Variants in TLE4 observed in about 807,000 individuals in gnomAD.
The protein encoded by TLE4 is transducin-like enhancer protein 4.
A neutral mutation model predicts 92.8 loss-of-function variants in TLE4; 8 were observed. That is an observed-to-expected ratio of 0.09 (90% confidence interval 0.05 to 0.16). The LOEUF is 0.16. Among genes scored for constraint, TLE4 ranks in the 10% least tolerant of loss-of-function variants. The pLI is 1.00. For missense variants in TLE4, 675 were observed against 997.6 expected (o/e 0.68, Z 4.36); for synonymous variants, 371 against 374.1 (o/e 0.99, Z 0.10).
intron 8 of TLE4, among the ~76,000 whole-genome samples, chr9:79,691,447 C>T (rs564444075): frequency 4.6e-4 from 70 of 152,174 alleles, no homozygotes; most frequent in African/African-American, 1.6e-3. Flanking sequence ...TACTGTGATT[C>T]GAGCCTCCTC....
At chr9:79,606,225 T>A (rs1226279443) in intron 4 of TLE4, among the ~76,000 whole-genome samples, 11 of 127,718 alleles carry the variant, frequency 8.6e-5, no homozygotes, top group South Asian at 2.5e-4. Flanking sequence ...TTTTTTTTTT[T>A]AACAAGCACT....
At chr9:79,650,275 G>T (rs1362381443) in intron 6 of TLE4, among the ~76,000 whole-genome samples, 1 of 152,066 alleles carries the variant, frequency 6.6e-6, no homozygotes, top group Non-Finnish European at 1.5e-5. Context: ...GATAATGTGT[G>T]AATATTTCAG....
chr9:79,666,883 C>T (rs2061487552), intron 8 of TLE4, among the ~76,000 whole-genome samples: 1 of 152,180 alleles, frequency 6.6e-6, no homozygotes, highest in African/African-American at 2.4e-5. Context: ...TGAAAGAGTC[C>T]AAATGGAGGC....
At chr9:79,695,716 C>A (rs2068086726) in intron 8 of TLE4, among the ~76,000 whole-genome samples, 1 of 152,292 alleles carries the variant, frequency 6.6e-6, no homozygotes, top group Admixed American at 6.5e-5. Context: ...TGTTAGAGAT[C>A]GGCTGGAGGG....
chr9:79,625,142 C>T (rs1450851661), intron 5 of TLE4, among the ~76,000 whole-genome samples: 1 of 147,256 alleles, frequency 6.8e-6, no homozygotes, highest in Non-Finnish European at 1.5e-5. Flanking sequence ...GCCTCAGCCT[C>T]CCAAGTAGCT....
At chr9:79,620,402 A>C (rs1210064050) in intron 5 of TLE4, among the ~76,000 whole-genome samples, 1 of 152,240 alleles carries the variant, frequency 6.6e-6, no homozygotes, top group Non-Finnish European at 1.5e-5. Flanking sequence ...TCTGTTGGAC[A>C]GCAGTGAATT....
chr9:79,721,489 A>G (rs769085292), intron 16 of TLE4, among the ~76,000 whole-genome samples: 22 of 152,172 alleles, frequency 1.4e-4, no homozygotes, highest in Non-Finnish European at 5.9e-5. Context: ...CCCATTAGTA[A>G]TATCAGTCAT....
At chr9:79,673,449 C>G (rs2062745200) in intron 8 of TLE4, among the ~76,000 whole-genome samples, 1 of 152,106 alleles carries the variant, frequency 6.6e-6, no homozygotes, top group South Asian at 2.1e-4. Flanking sequence ...TTCATGAGTT[C>G]CTTACCTTTT....
intron 4 of TLE4, among the ~76,000 whole-genome samples, chr9:79,581,404 G>A (rs1183348232): frequency 2.0e-5 from 3 of 152,108 alleles, no homozygotes; most frequent in African/African-American, 4.8e-5. Flanking sequence ...AATACTGTGG[G>A]GAGTTCCCTT....
chr9:79,709,934 A>T lies in TLE4; in HGVS notation c.1340+235A>T, dbSNP rs2072802965. 2.0e-5 allele frequency among the ~76,000 whole-genome samples: 3 copies of T among 152,254 alleles called. No individual in the cohort carries two copies. In the South Asian group the frequency reaches 6.2e-4, roughly 32 times the overall value. On this transcript the variant is annotated intron_variant, in intron 14 of 19. Transcript: ENST00000376552. ...AAATGCAAATTGCAGAGGCATCTCC[A>T]GTAGTCAGGTCTTCTCTACATCTGT...
At chr9:79,695,818 C>T (rs1051381403) in intron 8 of TLE4, among the ~76,000 whole-genome samples, 8 of 152,170 alleles carry the variant, frequency 5.3e-5, no homozygotes, top group African/African-American at 1.9e-4. Context: ...GCCACTCAGG[C>T]TGGGAAAGAG....
chr9:79,658,112 A>G (rs1163410220), intron 8 of TLE4, among the ~76,000 whole-genome samples: 1 of 152,210 alleles, frequency 6.6e-6, no homozygotes, highest in South Asian at 2.1e-4. Flanking sequence ...CTTCAAGCCC[A>G]GAGTGCTGGA....
At chr9:79,590,005 G>A (rs1169145391) in intron 4 of TLE4, among the ~76,000 whole-genome samples, 1 of 152,142 alleles carries the variant, frequency 6.6e-6, no homozygotes, top group Non-Finnish European at 1.5e-5. Context: ...GAATGTGTGG[G>A]CGCTGATCAG....
intron 8 of TLE4, among the ~76,000 whole-genome samples, chr9:79,673,902 A>G (rs534389548): frequency 5.9e-5 from 9 of 152,110 alleles, no homozygotes; most frequent in African/African-American, 4.8e-5. Context: ...ACGCCTCTCC[A>G]TGCCTTCCTG....
chr9:79,617,797 C>A (rs1355573448), intron 5 of TLE4, among the ~76,000 whole-genome samples: 1 of 148,906 alleles, frequency 6.7e-6, no homozygotes, highest in Non-Finnish European at 1.5e-5. Flanking sequence ...TGTTTGGCTG[C>A]TTTAACAGAG....
At chr9:79,607,804 T>C (rs1053580293) in intron 4 of TLE4, among the ~76,000 whole-genome samples, 3 of 152,062 alleles carry the variant, frequency 2.0e-5, no homozygotes, top group Non-Finnish European at 2.9e-5. Flanking sequence ...TACTGTAGCC[T>C]TGTAGTATAG....
intron 8 of TLE4, among the ~76,000 whole-genome samples, chr9:79,679,930 T>C (rs1385687526): frequency 6.6e-6 from 1 of 152,142 alleles, no homozygotes; most frequent in Non-Finnish European, 1.5e-5. Flanking sequence ...TAGATGTAGA[T>C]ATGCGGCATT....
At chr9:79,719,490 A>G (rs188290359) in intron 15 of TLE4, among the ~76,000 whole-genome samples, 72 of 152,230 alleles carry the variant, frequency 4.7e-4, no homozygotes, top group African/African-American at 1.7e-3. Flanking sequence ...AGCTAGGAGG[A>G]ACTTTTTTTT....
At chr9:79,605,098 C>G (rs1410744486) in intron 4 of TLE4, among the ~76,000 whole-genome samples, 1 of 152,066 alleles carries the variant, frequency 6.6e-6, no homozygotes, top group Non-Finnish European at 1.5e-5. Context: ...CTCTGACACA[C>G]TGGCTGAGGA....
Sources: allele counts gnomAD v4.1 joint callset (sites outside exome capture counted in the v4.1 genomes callset), GRCh38; gene constraint gnomAD v4.1.1; transcripts MANE v1.5; gene names NCBI Gene and HGNC (gene_info 2026-07-23, HGNC 2026-07-21).